The following KCNB2 variants were observed in gnomAD, a reference collection of about 807,000 sequenced individuals.
KCNB2 encodes the protein potassium voltage-gated channel subfamily B member 2.
A neutral mutation model predicts 61.5 loss-of-function variants in KCNB2; 15 were observed. The ratio of observed to expected loss-of-function variants is 0.24; its 90% CI spans 0.16 to 0.38. The LOEUF (loss-of-function observed/expected upper bound fraction) is 0.38. Among genes scored for constraint, KCNB2 ranks in the 10% least tolerant of loss-of-function variants. KCNB2 has a pLI of 1.00. For synonymous variants in KCNB2, 457 were observed against 446.0 expected, an observed-to-expected ratio of 1.02 and a Z score of -0.31; for missense variants, 828 against 1,125.2, an observed-to-expected ratio of 0.74 and a Z score of 3.78.
intron 2 of KCNB2, among the ~76,000 whole-genome samples, chr8:72,754,414 C>T (rs528467512): frequency 1.3e-3 from 198 of 152,256 alleles, no homozygotes; most frequent in African/African-American, 4.6e-3. Flanking sequence ...TCCATTGCAG[C>T]AGCCACAACA....
At chr8:72,844,497 T>C (rs1414938354) in intron 2 of KCNB2, among the ~76,000 whole-genome samples, 1 of 152,212 alleles carries the variant, frequency 6.6e-6, no homozygotes, top group Non-Finnish European at 1.5e-5. Flanking sequence ...CTTGCTAGGT[T>C]GGGGAAGTTC....
intron 2 of KCNB2, among the ~76,000 whole-genome samples, chr8:72,767,542 T>C (rs1253772936): frequency 7.5e-6 from 1 of 133,074 alleles, no homozygotes; most frequent in Non-Finnish European, 1.7e-5. Flanking sequence ...ATCCATATTA[T>C]AACATGTGTC....
chr8:72,538,738 C>A (rs1229017382), intron 1 of KCNB2, among the ~76,000 whole-genome samples: 2 of 151,976 alleles, frequency 1.3e-5, no homozygotes, highest in Admixed American at 6.6e-5. Context: ...TTTTAAGTAT[C>A]GTATCACATT....
intron 2 of KCNB2, among the ~76,000 whole-genome samples, chr8:72,735,374 A>G (rs1399077337): frequency 6.6e-6 from 1 of 152,180 alleles, no homozygotes; most frequent in Non-Finnish European, 1.5e-5. Context: ...GTCATTGTGT[A>G]TCTTACCAAA....
intron 2 of KCNB2, among the ~76,000 whole-genome samples, chr8:72,740,232 T>G (rs1353839332): frequency 6.6e-6 from 1 of 152,218 alleles, no homozygotes; most frequent in Non-Finnish European, 1.5e-5. Context: ...AAACAGGTAC[T>G]GTTTTTATTG....
chr8:72,817,517 C>T (rs1204425707), intron 2 of KCNB2, among the ~76,000 whole-genome samples: 1 of 152,108 alleles, frequency 6.6e-6, no homozygotes, highest in Non-Finnish European at 1.5e-5. Flanking sequence ...AGTTTTTGCT[C>T]TTATGAAAAG....
intron 2 of KCNB2, among the ~76,000 whole-genome samples, chr8:72,762,230 C>G (rs942293179): frequency 6.6e-6 from 1 of 152,020 alleles, no homozygotes; most frequent in South Asian, 2.1e-4. Flanking sequence ...GTTCTGTGAT[C>G]GATGGGGGAT....
intron 2 of KCNB2, among the ~76,000 whole-genome samples, chr8:72,573,181 A>G (rs1402528945): frequency 1.2e-5 from 1 of 86,080 alleles, no homozygotes; most frequent in East Asian, 3.7e-4. Context: ...AAAATAAAAC[A>G]AAAACTCCTG....
At chr8:72,882,837 A>T (rs1308803099) in intron 2 of KCNB2, among the ~76,000 whole-genome samples, 2 of 152,238 alleles carry the variant, frequency 1.3e-5, no homozygotes, top group Non-Finnish European at 2.9e-5. Flanking sequence ...AGCATTTAAA[A>T]ATCAGGAGAT....
Position 72,901,184 on chromosome 8 carries a change from T to G in KCNB2, c.580-34751T>G, listed in dbSNP as rs1244312048. 3.3e-5 allele frequency among the ~76,000 whole-genome samples: 5 copies of G among 152,136 alleles called. No individual in the cohort carries two copies. The East Asian group carries it at 9.6e-4, about 29-fold the overall frequency. ...ACACCACCAGCCAGGCAAGGAAGAATAGCAAGCTGGGATCCAGTGGGAGGC... is the reference window on the plus strand; with the variant it reads ...ACACCACCAGCCAGGCAAGGAAGAAGAGCAAGCTGGGATCCAGTGGGAGGC... On this transcript the variant is annotated intron_variant, in intron 2 of 2. Coordinates refer to ENST00000523207, the MANE Select transcript of KCNB2 (RefSeq NM_004770.3).
chr8:72,721,624 A>T (rs1420845738), intron 2 of KCNB2, among the ~76,000 whole-genome samples: 1 of 152,184 alleles, frequency 6.6e-6, no homozygotes, highest in Non-Finnish European at 1.5e-5. Flanking sequence ...AGGACTCTAC[A>T]GTTAACTCTG....
At chr8:72,553,392 G>A (rs773535805) in intron 1 of KCNB2, among the ~76,000 whole-genome samples, 3 of 151,894 alleles carry the variant, frequency 2.0e-5, no homozygotes, top group Non-Finnish European at 2.9e-5. Flanking sequence ...GTGTTTAGAA[G>A]GCAAAAATCT....
chr8:72,574,733 C>A (rs906933504), intron 2 of KCNB2, among the ~76,000 whole-genome samples: 5 of 152,104 alleles, frequency 3.3e-5, no homozygotes, highest in Admixed American at 6.5e-5. Context: ...TTCTATATTA[C>A]TTAGTGTTAT....
chr8:72,683,100 A>G (rs1353728606), intron 2 of KCNB2, among the ~76,000 whole-genome samples: 1 of 152,240 alleles, frequency 6.6e-6, no homozygotes, highest in Non-Finnish European at 1.5e-5. Context: ...CCTTCTGAAC[A>G]GTGTTTATCC....
intron 2 of KCNB2, among the ~76,000 whole-genome samples, chr8:72,792,234 A>G (rs1808957405): frequency 6.6e-6 from 1 of 152,194 alleles, no homozygotes; most frequent in African/African-American, 2.4e-5. Context: ...TTAAGCTAAC[A>G]AAACCCCTTT....
At chr8:72,871,516 C>G (rs1243039214) in intron 2 of KCNB2, among the ~76,000 whole-genome samples, 3 of 152,214 alleles carry the variant, frequency 2.0e-5, no homozygotes, top group Non-Finnish European at 4.4e-5. Flanking sequence ...CAGGCTTCTG[C>G]AAGATACACA....
chr8:72,835,877 C>T (rs905853671), intron 2 of KCNB2, among the ~76,000 whole-genome samples: 17 of 152,300 alleles, frequency 1.1e-4, no homozygotes, highest in African/African-American at 4.1e-4. Context: ...TAGCTGTGAA[C>T]CTGAACAGAC....
At chr8:72,556,932 G>A (rs73308769) in intron 1 of KCNB2, among the ~76,000 whole-genome samples, 5,094 of 152,214 alleles carry the variant, frequency 0.033, 126 homozygotes, top group South Asian at 0.091. Context: ...GGTGCTGGCA[G>A]ATTTAGTGTC....
rs552728056 is a variant in KCNB2, at chr8:72,602,818, T to A, written c.579+34505T>A. ...CTGGGCTTATGTGGGATCCTCTCTC[T>A]TTCCATGTCATCTCCAAGTCTTTCC... On this transcript the variant is annotated intron_variant, in intron 2 of 2. Transcript: ENST00000523207. Among the ~76,000 whole-genome samples the A allele has an allele frequency of 3.9e-5, 6 of 152,274 alleles. No homozygotes were observed. In the South Asian group the frequency reaches 1.2e-3, roughly 32 times the overall value.
Sources: gnomAD v4.1 joint callset for allele counts (sites outside exome capture counted in the v4.1 genomes callset) on GRCh38, gnomAD v4.1.1 for gene constraint, MANE v1.5 for transcripts, NCBI Gene and HGNC (gene_info 2026-07-23, HGNC 2026-07-21) for gene names.